SLC71A2: variants seen among roughly 807,000 people sequenced by gnomAD.
The protein encoded by SLC71A2 is solute carrier family 71 member 2.
At chr9:94,446,970 C>T in the SLC71A2 span, 1 of 1,003,502 alleles carries the variant, frequency 1.0e-6, no homozygotes, top group Non-Finnish European at 1.6e-6. Flanking sequence ...CTTTCAATAC[C>T]AGGAAAATCA....
the SLC71A2 span, among the ~76,000 whole-genome samples, chr9:94,385,597 G>C: frequency 1.3e-5 from 2 of 152,076 alleles, no homozygotes; most frequent in African/African-American, 4.8e-5. Flanking sequence ...CCAAAAATTA[G>C]TTGCTCTAAC....
At chr9:94,416,333 A>G in the SLC71A2 span, among the ~76,000 whole-genome samples, 5 of 152,106 alleles carry the variant, frequency 3.3e-5, no homozygotes, top group African/African-American at 1.2e-4. Context: ...TGGGCAACAT[A>G]GCAAGACCCC....
At chr9:94,420,352 G>T in the SLC71A2 span, among the ~76,000 whole-genome samples, 2 of 152,192 alleles carry the variant, frequency 1.3e-5, no homozygotes, top group Non-Finnish European at 2.9e-5. Flanking sequence ...ACAGAGCTGG[G>T]ATTGGGGGAG....
chr9:94,430,287 A>C, the SLC71A2 span, among the ~76,000 whole-genome samples: 1 of 146,872 alleles, frequency 6.8e-6, no homozygotes, highest in African/African-American at 2.6e-5. Flanking sequence ...CAGTGGTGTG[A>C]TCTCAGCCTA....
the SLC71A2 span, among the ~76,000 whole-genome samples, chr9:94,390,918 A>G: frequency 5.3e-5 from 8 of 152,196 alleles, no homozygotes; most frequent in East Asian, 1.4e-3. Flanking sequence ...TCACAAGTTT[A>G]GACAAGTTTG....
chr9:94,414,786 A>G, the SLC71A2 span, among the ~76,000 whole-genome samples: 5,484 of 152,162 alleles, frequency 0.036, 126 homozygotes, highest in Middle Eastern at 0.095. Flanking sequence ...CAGCCTCCCA[A>G]GTAGCTGGGA....
the SLC71A2 span, chr9:94,456,467 A>G: frequency 1.2e-4 from 75 of 641,778 alleles, 2 homozygotes; most frequent in South Asian, 9.1e-4. Context: ...TATCATACCT[A>G]TTTACTTTGG....
the SLC71A2 span, among the ~76,000 whole-genome samples, chr9:94,385,221 A>T: frequency 6.6e-6 from 1 of 152,198 alleles, no homozygotes; most frequent in Admixed American, 6.5e-5. Context: ...TTTGATGCAC[A>T]TAAGTTTTAA....
chr9:94,410,385 G>C, the SLC71A2 span, among the ~76,000 whole-genome samples: 1 of 147,976 alleles, frequency 6.8e-6, no homozygotes, highest in Non-Finnish European at 1.5e-5. Flanking sequence ...TTACTGGCAT[G>C]AGCTACTGCA....
At chr9:94,440,173 A>G in the SLC71A2 span, among the ~76,000 whole-genome samples, 1 of 150,494 alleles carries the variant, frequency 6.6e-6, no homozygotes, top group East Asian at 1.9e-4. Flanking sequence ...TTTTTTTTTG[A>G]GACGGAGTCT....
chr9:94,440,129 G>A, the SLC71A2 span, among the ~76,000 whole-genome samples: 134 of 151,982 alleles, frequency 8.8e-4, 1 homozygote, highest in Middle Eastern at 3.4e-3. Flanking sequence ...TGACTTTATA[G>A]CATTAATGGA....
At chr9:94,436,793 G>A in the SLC71A2 span, among the ~76,000 whole-genome samples, 4 of 152,198 alleles carry the variant, frequency 2.6e-5, no homozygotes, top group Admixed American at 2.0e-4. Context: ...TTATGTGAAC[G>A]TGGAGACTTC....
At chr9:94,415,584 G>C in the SLC71A2 span, among the ~76,000 whole-genome samples, 3 of 152,162 alleles carry the variant, frequency 2.0e-5, no homozygotes, top group Admixed American at 6.5e-5. Flanking sequence ...GACTGGTTTC[G>C]TGGAAGACAA....
the SLC71A2 span, chr9:94,458,439 T>C: frequency 5.0e-6 from 8 of 1,613,936 alleles, no homozygotes; most frequent in Non-Finnish European, 5.9e-6. Context: ...GGCCCGAAAT[T>C]GAATTCTAAC....
At chr9:94,428,437 ATGT>A in the SLC71A2 span, among the ~76,000 whole-genome samples, 1 of 139,376 alleles carries the variant, frequency 7.2e-6, no homozygotes, top group Non-Finnish European at 1.5e-5. Flanking sequence ...CTTAAAAATA[ATGT>A]TGTTAGAGGA....
chr9:94,445,375 C>A, the SLC71A2 span, among the ~76,000 whole-genome samples: 3 of 151,944 alleles, frequency 2.0e-5, no homozygotes, highest in Admixed American at 2.0e-4. Flanking sequence ...GGTACTTAAG[C>A]ATGTCATAAA....
chr9:94,441,072 G>A, the SLC71A2 span: 3 of 1,607,464 alleles, frequency 1.9e-6, no homozygotes, highest in African/African-American at 2.7e-5. Context: ...TCACTCAGGA[G>A]CACGAGCGAA....
the SLC71A2 span, among the ~76,000 whole-genome samples, chr9:94,449,395 C>A: frequency 6.6e-6 from 1 of 152,124 alleles, no homozygotes; most frequent in South Asian, 2.1e-4. Flanking sequence ...TAGCATCTTA[C>A]AATAACTCAA....
chr9:94,435,427 C>T, the SLC71A2 span, among the ~76,000 whole-genome samples: 5,485 of 152,270 alleles, frequency 0.036, 124 homozygotes, highest in Middle Eastern at 0.093. Flanking sequence ...CTCAAGAATT[C>T]AGCAGTTATG....
Sources: allele counts gnomAD v4.1 joint callset (sites outside exome capture counted in the v4.1 genomes callset), GRCh38; gene constraint gnomAD v4.1.1; transcripts MANE v1.5; gene names NCBI Gene and HGNC (gene_info 2026-07-23, HGNC 2026-07-21).